STXBP5L: variants seen among roughly 807,000 people sequenced by gnomAD.
The protein encoded by STXBP5L is syntaxin binding protein 5L.
A neutral mutation model predicts 144.5 loss-of-function variants in STXBP5L; 65 were observed. The observed-to-expected ratio is 0.45, with a 90% CI of 0.37 to 0.55. The LOEUF is 0.55. STXBP5L is among the 20% of genes least tolerant of loss of function. The pLI is 0.00. For synonymous variants in STXBP5L, 505 were observed against 469.6 expected (o/e 1.08, Z -0.97); for missense variants, 1,298 against 1,405.5 (o/e 0.92, Z 1.22).
intron 3 of STXBP5L, among the ~76,000 whole-genome samples, chr3:121,004,611 G>T (rs1324331717): frequency 2.0e-5 from 3 of 152,024 alleles, no homozygotes; most frequent in Non-Finnish European, 4.4e-5. Flanking sequence ...GTGAGAGAGG[G>T]CATCCCTGTC....
chr3:121,263,256 CAG>C (rs2050443964), intron 18 of STXBP5L, among the ~76,000 whole-genome samples: 4 of 152,116 alleles, frequency 2.6e-5, no homozygotes, highest in Admixed American at 2.6e-4. Context: ...AACTAACAAA[CAG>C]AAAAAAATAG....
intron 5 of STXBP5L, among the ~76,000 whole-genome samples, chr3:121,098,120 A>T (rs982683807): frequency 6.6e-6 from 1 of 152,218 alleles, no homozygotes; most frequent in Non-Finnish European, 1.5e-5. Flanking sequence ...TGGAAAGCAC[A>T]TTATATTATC....
intron 5 of STXBP5L, among the ~76,000 whole-genome samples, chr3:121,094,518 A>C (rs1340775773): frequency 6.6e-6 from 1 of 151,964 alleles, no homozygotes; most frequent in Non-Finnish European, 1.5e-5. Flanking sequence ...TCCCTTTACC[A>C]TTATGTAATG....
intron 9 of STXBP5L, among the ~76,000 whole-genome samples, chr3:121,161,179 G>A (rs2046311513): frequency 6.7e-6 from 1 of 149,684 alleles, no homozygotes; most frequent in African/African-American, 2.4e-5. Context: ...TAGGCCTAGT[G>A]GAAATGAATT....
chr3:121,078,465 G>A (rs764308408), intron 5 of STXBP5L, among the ~76,000 whole-genome samples: 39 of 152,318 alleles, frequency 2.6e-4, no homozygotes, highest in South Asian at 1.7e-3. Context: ...CCCCGCTGTC[G>A]TCACCCAGTG....
chr3:121,213,883 A>T (rs1040789976), intron 10 of STXBP5L, among the ~76,000 whole-genome samples: 3 of 152,102 alleles, frequency 2.0e-5, no homozygotes, highest in African/African-American at 7.2e-5. Context: ...TACTGCCTCA[A>T]TTTTAGAACT....
At chr3:121,275,180 T>C (rs2050844152) in intron 18 of STXBP5L, among the ~76,000 whole-genome samples, 1 of 152,188 alleles carries the variant, frequency 6.6e-6, no homozygotes, top group South Asian at 2.1e-4. Context: ...ATATAGTCTG[T>C]ATCCTCAAAC....
intron 5 of STXBP5L, among the ~76,000 whole-genome samples, chr3:121,106,000 T>C (rs555863410): frequency 6.6e-6 from 1 of 152,306 alleles, no homozygotes; most frequent in South Asian, 2.1e-4. Context: ...CTGCCCATTT[T>C]TCAAAGTGAG....
intron 3 of STXBP5L, among the ~76,000 whole-genome samples, chr3:121,038,428 T>C (rs1946909835): frequency 6.6e-6 from 1 of 152,030 alleles, no homozygotes; most frequent in Non-Finnish European, 1.5e-5. Flanking sequence ...CTGGATGTTA[T>C]TAATTTCAAA....
At position 121,343,607 on chromosome 3, in the gene STXBP5L, GACAA is replaced by G. The variant is rs965534462; in HGVS notation, c.2176+25071_2176+25074del. Reference sequence around the variant, plus strand: ...CAAGCATTCTTATACACCAATAACAGACAAACAGACAGCCAAATCATGAGTGAAC... The same window carrying G: ...CAAGCATTCTTATACACCAATAACAGACAGACAGCCAAATCATGAGTGAAC... On this transcript the variant is annotated intron_variant, in intron 20 of 26. Transcript: ENST00000471454. Among the ~76,000 whole-genome samples, 92 of 152,052 alleles carry G rather than the reference GACAA, an allele frequency of 6.1e-4. 1 individual carries two copies. Among genetic ancestry groups the G allele is most frequent in the Admixed American group, 3.9e-4 (6 of 15,238 alleles).
chr3:121,007,345 T>G (rs931395934), intron 3 of STXBP5L, among the ~76,000 whole-genome samples: 1 of 152,046 alleles, frequency 6.6e-6, no homozygotes, highest in Non-Finnish European at 1.5e-5. Flanking sequence ...TAGCTTTCTT[T>G]TATGATAATA....
chr3:121,137,022 A>G (rs1301666057), intron 7 of STXBP5L, among the ~76,000 whole-genome samples: 1 of 152,210 alleles, frequency 6.6e-6, no homozygotes, highest in African/African-American at 2.4e-5. Flanking sequence ...TGGGAGCTAA[A>G]CGTTGTGTAC....
At chr3:120,957,503 T>G (rs1006391166) in intron 3 of STXBP5L, among the ~76,000 whole-genome samples, 27 of 152,064 alleles carry the variant, frequency 1.8e-4, no homozygotes, top group Non-Finnish European at 3.1e-4. Context: ...GCTTGTAGTG[T>G]TCTTTTTTGT....
chr3:121,342,840 A>C (rs2044774310), intron 20 of STXBP5L, among the ~76,000 whole-genome samples: 1 of 148,298 alleles, frequency 6.7e-6, no homozygotes, highest in Non-Finnish European at 1.5e-5. Context: ...AGCATGATTT[A>C]TAGTCCTTTG....
At chr3:120,964,329 T>C (rs914105299) in intron 3 of STXBP5L, among the ~76,000 whole-genome samples, 3 of 152,222 alleles carry the variant, frequency 2.0e-5, no homozygotes, top group Non-Finnish European at 4.4e-5. Context: ...TTGAATTTGT[T>C]TGCTCTTGCT....
intron 20 of STXBP5L, among the ~76,000 whole-genome samples, chr3:121,341,928 A>C (rs1170867461): frequency 2.0e-5 from 3 of 152,058 alleles, no homozygotes; most frequent in Admixed American, 6.6e-5. Flanking sequence ...AGTATTTCCT[A>C]GCACAACATG....
intron 18 of STXBP5L, among the ~76,000 whole-genome samples, chr3:121,268,789 G>C (rs2050652710): frequency 6.6e-6 from 1 of 151,910 alleles, no homozygotes; most frequent in African/African-American, 2.4e-5. Context: ...GACCAGTCAG[G>C]GTATTTGCTT....
chr3:121,058,317 A>G (rs530560115), intron 5 of STXBP5L, among the ~76,000 whole-genome samples: 118 of 152,250 alleles, frequency 7.8e-4, no homozygotes, highest in Middle Eastern at 3.4e-3. Context: ...ATCCTTTTCT[A>G]TGGCTGCATA....
intron 5 of STXBP5L, among the ~76,000 whole-genome samples, chr3:121,100,797 A>C (rs1265655642): frequency 1.4e-5 from 2 of 145,398 alleles, no homozygotes; most frequent in Non-Finnish European, 3.1e-5. Flanking sequence ...ATATATCGAC[A>C]AAAAAAAAAA....
Sources: gnomAD v4.1 joint callset for allele counts (sites outside exome capture counted in the v4.1 genomes callset) on GRCh38, gnomAD v4.1.1 for gene constraint, MANE v1.5 for transcripts, NCBI Gene and HGNC (gene_info 2026-07-23, HGNC 2026-07-21) for gene names.